Variants in TIAM1 observed in about 807,000 individuals in gnomAD.
TIAM1 encodes the protein rho guanine nucleotide exchange factor TIAM1.
In TIAM1, 65 loss-of-function variants were observed where a neutral mutation model predicts 163.5. That is an observed-to-expected ratio of 0.40 (90% CI 0.33 to 0.49). The LOEUF (loss-of-function observed/expected upper bound fraction) is 0.49. Among genes scored for constraint, TIAM1 ranks in the 20% least tolerant of loss-of-function variants. The pLI, the probability that TIAM1 is intolerant of heterozygous loss-of-function variation, is 0.77. For synonymous variants in TIAM1, 833 were observed against 810.1 expected (o/e 1.03, Z -0.48); for missense variants, 1,789 against 2,044.7 (o/e 0.87, Z 2.41).
chr21:31,290,515 C>T lies in TIAM1; in HGVS notation c.-188-13607G>A, dbSNP rs919850157. ...TATAAAAATTATCCAGGAATGACGG[C>T]GCGTGCCTGTAATCCCAGCTACTCT... On this transcript the variant is annotated intron_variant, in intron 2 of 27. Coordinates refer to ENST00000541036, the MANE Select transcript of TIAM1 (RefSeq NM_001353694.2). Among the ~76,000 whole-genome samples, 11 of 151,756 alleles carry T rather than the reference C, an allele frequency of 7.2e-5. 1 individual carries two copies. Among genetic ancestry groups the T allele is most frequent in the Admixed American group, 2.0e-4 (3 of 15,240 alleles).
intron 2 of TIAM1, among the ~76,000 whole-genome samples, chr21:31,452,072 G>A (rs1409338918): frequency 6.6e-6 from 1 of 152,146 alleles, no homozygotes; most frequent in East Asian, 1.9e-4. Flanking sequence ...ATCCTAAGGT[G>A]ATCGATCCCA....
At chr21:31,519,756 A>G (rs2047516132) in intron 1 of TIAM1, among the ~76,000 whole-genome samples, 1 of 152,190 alleles carries the variant, frequency 6.6e-6, no homozygotes, top group Admixed American at 6.6e-5. Flanking sequence ...GCACTGCAAC[A>G]CAGAACCCTA....
intron 2 of TIAM1, among the ~76,000 whole-genome samples, chr21:31,288,756 G>A (rs1306815006): frequency 6.6e-6 from 1 of 152,140 alleles, no homozygotes; most frequent in Admixed American, 6.6e-5. Flanking sequence ...TTATCCATGA[G>A]AGGCCAGAAG....
chr21:31,392,442 C>A lies in TIAM1; in HGVS notation c.-368-53020G>T, dbSNP rs537341528. ...AAAATTAGCCGGGCATGGTGGCAGG[C>A]GCCTGTAATCTCAGCTACTCAAGAG... On this transcript the variant is annotated intron_variant, in intron 2 of 28. Coordinates refer to the TIAM1 transcript ENST00000286827. Among the ~76,000 whole-genome samples, 11 of 151,948 alleles carry A rather than the reference C, an allele frequency of 7.2e-5. No individual in the cohort carries two copies. In the South Asian group the frequency reaches 1.5e-3, roughly 20 times the overall value.
At chr21:31,409,019 C>T (rs750076856) in intron 2 of TIAM1, among the ~76,000 whole-genome samples, 27 of 152,006 alleles carry the variant, frequency 1.8e-4, no homozygotes, top group Non-Finnish European at 3.4e-4. Flanking sequence ...TTCATCAGTG[C>T]GGTGGGTCCT....
chr21:31,470,653 C>T (rs957109542), intron 1 of TIAM1, among the ~76,000 whole-genome samples: 2 of 152,150 alleles, frequency 1.3e-5, no homozygotes, highest in African/African-American at 2.4e-5. Context: ...ATTTTCTACA[C>T]AAAATTGTGT....
At chr21:31,247,102 C>T (rs1486883319) in intron 5 of TIAM1, among the ~76,000 whole-genome samples, 2 of 151,998 alleles carry the variant, frequency 1.3e-5, no homozygotes, top group East Asian at 3.9e-4. Context: ...GAAGGATTAC[C>T]TGAGCCCAGG....
chr21:31,174,167 T>C (rs2084655995), intron 15 of TIAM1, among the ~76,000 whole-genome samples: 1 of 152,208 alleles, frequency 6.6e-6, no homozygotes, highest in African/African-American at 2.4e-5. Flanking sequence ...CCTGACTGTC[T>C]TCGGTTTTCA....
At chr21:31,462,127 T>A (rs1251648753) in intron 2 of TIAM1, among the ~76,000 whole-genome samples, 1 of 152,048 alleles carries the variant, frequency 6.6e-6, no homozygotes, top group African/African-American at 2.4e-5. Flanking sequence ...ATCAGCAAAC[T>A]TTTTTTTAAA....
intron 2 of TIAM1, among the ~76,000 whole-genome samples, chr21:31,353,578 A>G (rs768617417): frequency 1.3e-5 from 2 of 152,178 alleles, no homozygotes; most frequent in Non-Finnish European, 2.9e-5. Flanking sequence ...CCTGGTCCTC[A>G]TGACAGCTCA....
intron 20 of TIAM1, 151 bp downstream of exon 20, chr21:31,146,744 T>C (rs1253250240): frequency 8.7e-6 from 5 of 573,796 alleles, no homozygotes; most frequent in Non-Finnish European, 1.6e-5. Context: ...AATGAATACA[T>C]TACATTGCTC....
intron 14 of TIAM1, among the ~76,000 whole-genome samples, chr21:31,186,558 G>A (rs2085314076): frequency 6.6e-6 from 1 of 152,130 alleles, no homozygotes; most frequent in Admixed American, 6.5e-5. Flanking sequence ...GATCGCTTGA[G>A]CCCAGGAGCT....
At chr21:31,373,712 T>A (rs947126037) in intron 2 of TIAM1, among the ~76,000 whole-genome samples, 2 of 151,962 alleles carry the variant, frequency 1.3e-5, no homozygotes, top group African/African-American at 4.8e-5. Flanking sequence ...AGAAGAGTAA[T>A]AAGCCCATTC....
At chr21:31,338,312 T>G (rs539076220) in intron 2 of TIAM1, among the ~76,000 whole-genome samples, 1 of 152,280 alleles carries the variant, frequency 6.6e-6, no homozygotes, top group Admixed American at 6.5e-5. Flanking sequence ...ATTCTTGCCC[T>G]CTCTCAAGTC....
intron 1 of TIAM1, among the ~76,000 whole-genome samples, chr21:31,484,925 A>C (rs1179325267): frequency 1.3e-5 from 2 of 152,228 alleles, no homozygotes; most frequent in Non-Finnish European, 2.9e-5. Context: ...AAGAGGTCTC[A>C]GAGTACAAGC....
At chr21:31,278,952 C>G (rs566415980) in intron 2 of TIAM1, among the ~76,000 whole-genome samples, 1 of 152,174 alleles carries the variant, frequency 6.6e-6, no homozygotes, top group East Asian at 1.9e-4. Context: ...TGCCAGCTGC[C>G]AATAATTTGC....
chr21:31,343,328 T>C (rs946110099), intron 1 of TIAM1, among the ~76,000 whole-genome samples: 2 of 152,198 alleles, frequency 1.3e-5, no homozygotes, highest in African/African-American at 4.8e-5. Context: ...ATCCTGTCTG[T>C]GAGAAGCCTC....
At chr21:31,435,444 A>G (rs573022972) in intron 2 of TIAM1, among the ~76,000 whole-genome samples, 3 of 152,316 alleles carry the variant, frequency 2.0e-5, no homozygotes, top group Admixed American at 6.5e-5. Flanking sequence ...GATGAATCTA[A>G]TTTTCATATA....
chr21:31,227,998 G>C (rs1029904173), intron 6 of TIAM1, among the ~76,000 whole-genome samples: 3 of 151,602 alleles, frequency 2.0e-5, no homozygotes, highest in Non-Finnish European at 4.4e-5. Context: ...CGCCTCCCGA[G>C]TTCAAGTGAT....
Sources: gnomAD v4.1 joint callset for allele counts (sites outside exome capture counted in the v4.1 genomes callset) on GRCh38, gnomAD v4.1.1 for gene constraint, MANE v1.5 for transcripts, NCBI Gene and HGNC (gene_info 2026-07-23, HGNC 2026-07-21) for gene names.